Variants in TPM1 observed in about 807,000 individuals in gnomAD.
The protein encoded by TPM1 is tropomyosin alpha-1 chain.
A neutral mutation model predicts 42.9 loss-of-function variants in TPM1; 24 were observed. The ratio of observed to expected loss-of-function variants is 0.56; its 90% CI spans 0.41 to 0.79. The LOEUF is 0.79. Ranked by LOEUF, TPM1 falls within the 30% of genes least tolerant of loss-of-function variation. The probability of loss-of-function intolerance (pLI) is 0.00; values close to 1 mark genes in which losing one functional copy is unlikely to be tolerated. For missense variants in TPM1, 158 were observed against 351.8 expected, an observed-to-expected ratio of 0.45 and a Z score of 4.41; for synonymous variants, 136 against 130.1, an observed-to-expected ratio of 1.05 and a Z score of -0.31.
chr15:63,064,970 A>G (rs1216109868), intron 9 of TPM1: 1 of 982,252 alleles, frequency 1.0e-6, no homozygotes, highest in Admixed American at 6.2e-5. Flanking sequence ...CTGTCTCAAG[A>G]AAAAAAAGAA....
intron 2 of TPM1, chr15:63,044,928 C>G (rs2032060661): frequency 6.6e-6 from 1 of 151,944 alleles, no homozygotes. Context: ...CTAAGGCTCT[C>G]CTAAGCTCTT....
At chr15:63,060,468 C>T (rs982872055) in intron 4 of TPM1, among the ~76,000 whole-genome samples, 1 of 152,210 alleles carries the variant, frequency 6.6e-6, no homozygotes, top group Non-Finnish European at 1.5e-5. Flanking sequence ...ATGCACAGAT[C>T]AGCCATCAAA....
rs1049950788 is a variant in TPM1 at position 63,066,138 on chromosome 15, GTT to G, written c.*241_*242del. ...TTACTTCTTATTTATTGACATTTTA[GTT>G]TCAACATTGAATAAAACTACAAAGC... On this transcript the variant is annotated 3_prime_UTR_variant, in exon 10 of 10. Coordinates refer to ENST00000403994, the MANE Select transcript of TPM1 (RefSeq NM_001018005.2). 2 of 1,473,218 alleles carry G rather than the reference GTT, an allele frequency of 1.4e-6. No homozygotes were observed. The highest frequency in any genetic ancestry group is 1.4e-5 in the African/African-American group (1 of 70,204). 91.3% of individuals were successfully genotyped at this position (1,473,218 alleles called of 1,614,324 possible).
downstream of TPM1, chr15:63,070,522 TAATA>T: frequency 1.0e-6 from 1 of 993,692 alleles, no homozygotes; most frequent in South Asian, 4.5e-5. Context: ...AATGTCATGC[TAATA>T]AATAGAACAC....
rs563965885 is a variant in TPM1, at chr15:63,066,147, T to G, written c.*248T>G. On this transcript the variant is annotated 3_prime_UTR_variant, in exon 10 of 10. Transcript: ENST00000403994. ...ATTTATTGACATTTTAGTTTCAACA[T>G]TGAATAAAACTACAAAGCTGCTTCA... 1 of 1,466,624 alleles carries G rather than the reference T, an allele frequency of 6.8e-7. No homozygotes were observed. Among genetic ancestry groups the G allele is most frequent in the Admixed American group, 2.7e-5 (1 of 37,178 alleles). 90.9% of individuals were successfully genotyped at this position (1,466,624 alleles called of 1,614,324 possible).
intron 1 of TPM1, chr15:63,043,245 C>T: frequency 1.9e-6 from 1 of 518,316 alleles, no homozygotes; most frequent in South Asian, 1.9e-5. Flanking sequence ...AGGAGGACAC[C>T]CGGTTCCTGG....
At chr15:63,069,109 C>T (rs564374116), downstream of TPM1, among the ~76,000 whole-genome samples, 33 of 152,224 alleles carry the variant, frequency 2.2e-4, no homozygotes, top group East Asian at 3.9e-4. Context: ...GCTGAGATCA[C>T]GCCACTGCAC....
downstream of TPM1, chr15:63,070,168 TATATC>T: frequency 7.3e-7 from 1 of 1,364,558 alleles, no homozygotes; most frequent in South Asian, 1.5e-5. Context: ...GTAGAATACT[TATATC>T]AATTCAGCAC....
At chr15:63,064,237 T>C in intron 9 of TPM1, 95 bp downstream of exon 9, 2 of 1,553,540 alleles carry the variant, frequency 1.3e-6, no homozygotes, top group Non-Finnish European at 1.7e-6. Context: ...ATCTCCATCT[T>C]TGCACTCTTG....
At chr15:63,046,609 T>C (rs1038613221) in intron 2 of TPM1, 4 of 152,548 alleles carry the variant, frequency 2.6e-5, no homozygotes, top group African/African-American at 9.6e-5. Flanking sequence ...TTTTGTGTTG[T>C]CTTTCCACCT....
At position 63,042,835 on chromosome 15, in the gene TPM1, C is replaced by T. The variant is rs1350935943; in HGVS notation, c.6C>T (p.Asp2=). ...GGCCCCTCGCCGCCGCCACCATGGA[C>T]GCCATCAAGAAGAAGATGCAGATGC... The part of the protein sequence containing the change: M[D]AIKKKMQMLK... Residue 2 remains aspartate, a synonymous_variant, in exon 1 of 10, where the codon GAC becomes GAT. Coordinates refer to ENST00000403994, the MANE Select transcript of TPM1 (RefSeq NM_001018005.2). 8 of 1,612,984 alleles carry T rather than the reference C, an allele frequency of 5.0e-6. No homozygotes were observed. The East Asian group carries it at 1.3e-4, about 27-fold the overall frequency.
intron 8 of TPM1, chr15:63,063,296 A>T (rs1425585849): frequency 1.0e-6 from 1 of 985,358 alleles, no homozygotes; most frequent in Non-Finnish European, 1.2e-6. Flanking sequence ...GGGATTAGAG[A>T]AGGAACTAGT....
At chr15:63,048,276 G>A in intron 2 of TPM1, 1 of 604,902 alleles carries the variant, frequency 1.7e-6, no homozygotes, top group East Asian at 5.6e-5. Context: ...TACCCCCGCA[G>A]CGCGCCGGGA....
chr15:63,044,549 G>A, intron 2 of TPM1: 1 of 442,122 alleles, frequency 2.3e-6, no homozygotes, highest in African/African-American at 2.0e-5. Flanking sequence ...TCCAGTGGGT[G>A]GGAAGTTCTG....
chr15:63,043,749 C>T (rs2031738609), intron 1 of TPM1: 5 of 1,549,436 alleles, frequency 3.2e-6, no homozygotes, highest in South Asian at 2.4e-5. Context: ...CTGCGGGTGT[C>T]GGAGGACGAG....
intron 2 of TPM1, among the ~76,000 whole-genome samples, chr15:63,050,069 T>C (rs1029019288): frequency 5.3e-5 from 8 of 152,228 alleles, no homozygotes; most frequent in Non-Finnish European, 1.0e-4. Flanking sequence ...AAAGTGTGGA[T>C]AGTAACAGCA....
rs377061868 is a variant in TPM1 at position 63,059,558 on chromosome 15, T to C, written c.375-5T>C. 647 of 1,606,424 alleles carry C rather than the reference T, an allele frequency of 4.0e-4. No individual in the cohort carries two copies. Among genetic ancestry groups the C allele is most frequent in the Non-Finnish European group, 5.4e-4 (635 of 1,175,022 alleles). ...TTGGGTTTTCTTGCTTGTCTTTCTT[T>C]TCAGAGGCATGAAAGTCATTGAGAG... On this transcript the variant is annotated splice_polypyrimidine_tract_variant and splice_region_variant and intron_variant, in intron 3 of 9. Transcript: ENST00000403994.
chr15:63,056,161 A>AT (rs990458438), intron 2 of TPM1: 5 of 152,234 alleles, frequency 3.3e-5, no homozygotes, highest in Non-Finnish European at 5.9e-5. Flanking sequence ...ATTTTAAACT[A>AT]TTTAAGTTCC....
chr15:63,056,085 G>C (rs575695316), intron 2 of TPM1: 4 of 152,240 alleles, frequency 2.6e-5, no homozygotes, highest in Non-Finnish European at 5.9e-5. Context: ...AATGAGGCCA[G>C]TTATTCTAAA....
Sources: gnomAD v4.1 joint callset for allele counts (sites outside exome capture counted in the v4.1 genomes callset) on GRCh38, gnomAD v4.1.1 for gene constraint, MANE v1.5 for transcripts, NCBI Gene and HGNC (gene_info 2026-07-23, HGNC 2026-07-21) for gene names.